VWA2: variants seen among roughly 807,000 people sequenced by gnomAD.
VWA2 encodes von Willebrand factor A domain containing 2, also known as von Willebrand factor A domain-containing protein 2.
Under a neutral mutation model 70.4 loss-of-function variants are expected in VWA2, and 73 were observed. That is an observed-to-expected ratio of 1.04 (90% CI 0.86 to 1.26). The LOEUF (loss-of-function observed/expected upper bound fraction) is 1.26. Among genes scored for constraint, VWA2 ranks in the 50% most tolerant of loss-of-function variants. The pLI is 0.00. For synonymous variants in VWA2, 407 were observed against 423.3 expected, an observed-to-expected ratio of 0.96 and a Z score of 0.47; for missense variants, 1,011 against 998.5, an observed-to-expected ratio of 1.01 and a Z score of -0.17.
chr10:114,274,525 A>T (rs753947035), intron 6 of VWA2, among the ~76,000 whole-genome samples: 13 of 152,170 alleles, frequency 8.5e-5, no homozygotes, highest in Non-Finnish European at 1.5e-4. Flanking sequence ...CCCAGGCTGG[A>T]GTGCAGTGGC....
chr10:114,255,305 G>A (rs572642947), intron 4 of VWA2, among the ~76,000 whole-genome samples: 1 of 151,370 alleles, frequency 6.6e-6, no homozygotes, highest in Non-Finnish European at 1.5e-5. Flanking sequence ...TCCTGACACA[G>A]CCAAGTTGTC....
At chr10:114,240,369 G>A (rs1365626369) in intron 1 of VWA2, among the ~76,000 whole-genome samples, 1 of 152,210 alleles carries the variant, frequency 6.6e-6, no homozygotes, top group Admixed American at 6.5e-5. Flanking sequence ...ACTTGCTGGG[G>A]GCACCAGACA....
At chr10:114,245,301 G>A (rs566723164) in intron 1 of VWA2, among the ~76,000 whole-genome samples, 1 of 152,310 alleles carries the variant, frequency 6.6e-6, no homozygotes. Context: ...ACGGAGGGAA[G>A]GGGACTGTGT....
At chr10:114,260,012 G>A (rs761045394) in intron 4 of VWA2, among the ~76,000 whole-genome samples, 16 of 152,218 alleles carry the variant, frequency 1.1e-4, no homozygotes, top group Non-Finnish European at 2.1e-4. Flanking sequence ...TCGAGGGAAC[G>A]GCAGCGAGGG....
intron 5 of VWA2, among the ~76,000 whole-genome samples, chr10:114,263,760 A>G (rs1190432314): frequency 6.6e-6 from 1 of 152,258 alleles, no homozygotes; most frequent in Non-Finnish European, 1.5e-5. Context: ...TTTAATGTGT[A>G]CAATTCAATA....
At chr10:114,290,714 A>G (rs2039504294) in intron 13 of VWA2, among the ~76,000 whole-genome samples, 1 of 141,106 alleles carries the variant, frequency 7.1e-6, no homozygotes, top group Admixed American at 7.2e-5. Context: ...TTAGGAGCAC[A>G]GTAGATCCAG....
At chr10:114,245,543 G>A (rs1479446287) in intron 1 of VWA2, among the ~76,000 whole-genome samples, 5 of 152,098 alleles carry the variant, frequency 3.3e-5, no homozygotes, top group Admixed American at 6.5e-5. Context: ...TCAATGCCTC[G>A]CCATTGCCTG....
chr10:114,284,365 G>A lies in VWA2; in HGVS notation c.890-498G>A, dbSNP rs546121031. 2.6e-5 allele frequency among the ~76,000 whole-genome samples: 4 copies of A among 152,254 alleles called. No individual in the cohort carries two copies. The East Asian group carries it at 5.8e-4, about 22-fold the overall frequency. On this transcript the variant is annotated intron_variant, in intron 9 of 13. Transcript: ENST00000392982. ...GTTCCCATCACTCCTTTTTAGATGA[G>A]GATATGAAGATGGGAGAGGTTAATT...
At position 114,289,179 on chromosome 10, in the gene VWA2, A is replaced by C. The variant is rs906022290; in HGVS notation, c.1812A>C (p.Leu604=). 1.2e-6 allele frequency: 2 copies of C among 1,613,666 alleles called. No homozygotes were observed. Among genetic ancestry groups the C allele is most frequent in the Admixed American group, 3.3e-5 (2 of 59,974 alleles). ...MLRAISQAPY[L]GGVGSAGTAL... is the part of the protein sequence containing the mutation. Reference sequence around the variant, plus strand: ...GGGCCATTAGCCAGGCCCCCTACCTAGGTGGGGTGGGCTCAGCCGGCACCG... The same window carrying C: ...GGGCCATTAGCCAGGCCCCCTACCTCGGTGGGGTGGGCTCAGCCGGCACCG... Residue 604 remains leucine (L), a synonymous_variant, in exon 12 of 14, where the codon CTA becomes CTC. Coordinates refer to ENST00000392982, the MANE Select transcript of VWA2 (RefSeq NM_001272046.2).
intron 5 of VWA2, among the ~76,000 whole-genome samples, chr10:114,262,482 T>C (rs2037466137): frequency 6.6e-6 from 1 of 152,140 alleles, no homozygotes. Flanking sequence ...GTGGATCCAC[T>C]CTGGGCTCCT....
intron 5 of VWA2, among the ~76,000 whole-genome samples, chr10:114,266,373 C>T (rs2037566673): frequency 6.6e-6 from 1 of 152,016 alleles, no homozygotes; most frequent in African/African-American, 2.4e-5. Flanking sequence ...TGTTTTGATA[C>T]AAGCATGCAA....
chr10:114,275,245 T>G (rs922856130), intron 6 of VWA2, among the ~76,000 whole-genome samples: 1 of 152,156 alleles, frequency 6.6e-6, no homozygotes, highest in Non-Finnish European at 1.5e-5. Flanking sequence ...TTGTGCCATG[T>G]CCTGGAAATG....
chr10:114,246,259 G>A (rs190137235), intron 1 of VWA2: 15 of 745,018 alleles, frequency 2.0e-5, no homozygotes, highest in African/African-American at 3.4e-5. Context: ...CCAGCACTTC[G>A]GGAGGCCGAG....
At chr10:114,257,939 T>C (rs373036317) in intron 4 of VWA2, among the ~76,000 whole-genome samples, 1 of 152,238 alleles carries the variant, frequency 6.6e-6, no homozygotes, top group East Asian at 1.9e-4. Context: ...ATCATTTTCA[T>C]GTGAAAGAGA....
chr10:114,241,509 T>A (rs998083283), intron 1 of VWA2, among the ~76,000 whole-genome samples: 4 of 152,202 alleles, frequency 2.6e-5, no homozygotes, highest in Admixed American at 6.5e-5. Context: ...TACACTGACA[T>A]TTCCCCTCCT....
intron 1 of VWA2, chr10:114,245,972 TG>T: frequency 2.1e-6 from 1 of 487,762 alleles, no homozygotes; most frequent in South Asian, 1.9e-5. Flanking sequence ...GGTGGCATCA[TG>T]GAAATAACCA....
intron 6 of VWA2, among the ~76,000 whole-genome samples, chr10:114,273,941 A>T (rs1174280181): frequency 6.6e-6 from 1 of 152,228 alleles, no homozygotes; most frequent in East Asian, 1.9e-4. Context: ...AATAGAGAGG[A>T]AAGCTATTTT....
rs9665610 is a variant in VWA2 at position 114,248,705 on chromosome 10, T to A, written c.-9T>A. 120,350 of 1,608,136 alleles carry A rather than the reference T, an allele frequency of 0.075. 4,920 individuals carry two copies. The highest frequency in any genetic ancestry group is 0.14 in the African/African-American group (10,388 of 74,750). On this transcript the variant is annotated splice_region_variant and 5_prime_UTR_variant, in exon 2 of 14. Coordinates refer to ENST00000392982, the MANE Select transcript of VWA2 (RefSeq NM_001272046.2). Reference sequence around the variant, plus strand: ...CTTTCTTTTCCTGTGTCCCTGTAGTTATATCAACATGCCCCCTTTCCTGTT... The same window carrying A: ...CTTTCTTTTCCTGTGTCCCTGTAGTAATATCAACATGCCCCCTTTCCTGTT...
In VWA2 at chr10:114,286,585, C is replaced by T. The variant is rs2038934541; in HGVS notation, c.1570+74C>T. On this transcript the variant is annotated intron_variant, in intron 11 of 13. Coordinates refer to ENST00000392982, the MANE Select transcript of VWA2 (RefSeq NM_001272046.2). ...TTCCTCCTTTTGGCCACCACCTAAC[C>T]ATCATTTTCTGCCAGTGCCTCTTCT... 9 of 1,326,180 alleles carry T rather than the reference C, an allele frequency of 6.8e-6. 1 individual carries two copies. In the South Asian group the frequency reaches 1.3e-4, roughly 20 times the overall value. The allele number at this position is 1,326,180 out of a possible 1,614,324, so 82.2% of individuals were successfully genotyped here.
Sources: allele counts gnomAD v4.1 joint callset (sites outside exome capture counted in the v4.1 genomes callset), GRCh38; gene constraint gnomAD v4.1.1; transcripts MANE v1.5; gene names NCBI Gene and HGNC (gene_info 2026-07-23, HGNC 2026-07-21).